Variants in ANKRD44 observed in about 807,000 individuals in gnomAD.
The protein encoded by ANKRD44 is serine/threonine-protein phosphatase 6 regulatory ankyrin repeat subunit B.
ANKRD44 carries 35 observed loss-of-function variants against 116.0 expected under a neutral mutation model. The observed-to-expected ratio is 0.30, with a 90% CI of 0.23 to 0.40. The LOEUF is 0.40. Among genes scored for constraint, ANKRD44 ranks in the 10% least tolerant of loss-of-function variants. ANKRD44 has a pLI of 1.00. For missense variants in ANKRD44, 1,014 were observed against 1,242.6 expected, an observed-to-expected ratio of 0.82 and a Z score of 2.77; for synonymous variants, 435 against 461.8, an observed-to-expected ratio of 0.94 and a Z score of 0.74.
At chr2:197,029,923 G>T in intron 16 of ANKRD44, 1 of 194,766 alleles carries the variant, frequency 5.1e-6, no homozygotes, top group South Asian at 9.6e-5. Flanking sequence ...GGCAGAGCAA[G>T]TGGCATATCA....
chr2:197,009,196 A>C (rs1407430842), intron 18 of ANKRD44, among the ~76,000 whole-genome samples, 165 bp from the exon 19 acceptor site: 1 of 152,084 alleles, frequency 6.6e-6, no homozygotes, highest in Non-Finnish European at 1.5e-5. Flanking sequence ...GGTTCAAGCT[A>C]TTCTCCTGCC....
intron 1 of ANKRD44, among the ~76,000 whole-genome samples, chr2:197,273,980 A>ATAT (rs1339525916): frequency 6.8e-5 from 3 of 43,934 alleles, no homozygotes; most frequent in Non-Finnish European, 1.2e-4. Context: ...AAAAAAAAAA[A>ATAT]ATATATATAT....
intron 16 of ANKRD44, among the ~76,000 whole-genome samples, chr2:197,048,080 C>A (rs571250040): frequency 1.3e-5 from 2 of 152,120 alleles, no homozygotes; most frequent in East Asian, 1.9e-4. Context: ...TACATCTTAA[C>A]CCTTATTTTT....
chr2:197,162,863 C>A (rs947508499), intron 2 of ANKRD44, among the ~76,000 whole-genome samples: 3 of 152,258 alleles, frequency 2.0e-5, no homozygotes, highest in Admixed American at 2.0e-4. Context: ...CAATATATGT[C>A]TTGCAGGAAT....
At chr2:197,154,979 T>C (rs554880192) in intron 2 of ANKRD44, among the ~76,000 whole-genome samples, 7 of 152,352 alleles carry the variant, frequency 4.6e-5, no homozygotes, top group Non-Finnish European at 1.0e-4. Flanking sequence ...AATTATGTTA[T>C]ACTCTCAATA....
intron 10 of ANKRD44, among the ~76,000 whole-genome samples, chr2:197,098,373 A>C (rs1250244043): frequency 6.6e-6 from 1 of 152,244 alleles, no homozygotes; most frequent in Non-Finnish European, 1.5e-5. Context: ...ATCTGATTTC[A>C]TGATCCCACT....
chr2:197,310,039 C>T (rs1009127576), intron 1 of ANKRD44, among the ~76,000 whole-genome samples: 2 of 152,198 alleles, frequency 1.3e-5, no homozygotes, highest in African/African-American at 2.4e-5. Context: ...CCATCCCGCA[C>T]CACGCACACA....
At chr2:197,263,697 G>A (rs1264417710) in intron 1 of ANKRD44, among the ~76,000 whole-genome samples, 1 of 152,130 alleles carries the variant, frequency 6.6e-6, no homozygotes, top group South Asian at 2.1e-4. Context: ...AAAAAAAGGT[G>A]TCAAGTTTGA....
chr2:197,034,516 C>G (rs1388101781), intron 16 of ANKRD44, among the ~76,000 whole-genome samples: 3 of 148,870 alleles, frequency 2.0e-5, no homozygotes, highest in Non-Finnish European at 4.4e-5. Flanking sequence ...TGCACTCATT[C>G]CAAGGACTGA....
intron 15 of ANKRD44, 38 bp from the exon 16 acceptor site, chr2:197,078,852 T>A (rs1350687172): frequency 6.9e-6 from 11 of 1,591,174 alleles, no homozygotes; most frequent in Admixed American, 3.4e-5. Context: ...TTAGAAAACA[T>A]CTCTGGACTG....
chr2:197,280,795 CAT>C (rs781337428), intron 1 of ANKRD44, among the ~76,000 whole-genome samples: 2 of 152,188 alleles, frequency 1.3e-5, no homozygotes, highest in Non-Finnish European at 2.9e-5. Context: ...ATTAAAGTCA[CAT>C]GTTACCACTC....
At chr2:196,978,748 G>A (rs2075777052) in intron 21 of ANKRD44, among the ~76,000 whole-genome samples, 1 of 151,480 alleles carries the variant, frequency 6.6e-6, no homozygotes, top group Admixed American at 6.6e-5. Flanking sequence ...CTTTAAAAGA[G>A]CGAATTTTAT....
At chr2:197,100,420 G>A (rs1198858189) in intron 9 of ANKRD44, among the ~76,000 whole-genome samples, 2 of 152,146 alleles carry the variant, frequency 1.3e-5, no homozygotes, top group Non-Finnish European at 2.9e-5. Context: ...GGGCGACAGA[G>A]CGAGACTCCG....
intron 16 of ANKRD44, among the ~76,000 whole-genome samples, chr2:197,045,380 G>A (rs1015189748): frequency 1.3e-5 from 2 of 152,136 alleles, no homozygotes; most frequent in African/African-American, 4.8e-5. Context: ...TAACAGTAGA[G>A]ACTTAAAGTC....
At chr2:196,981,573 C>G (rs987856529) in intron 21 of ANKRD44, among the ~76,000 whole-genome samples, 3 of 152,076 alleles carry the variant, frequency 2.0e-5, no homozygotes, top group African/African-American at 7.2e-5. Context: ...GTTGGGAGTT[C>G]GAGACCAGCC....
intron 1 of ANKRD44, among the ~76,000 whole-genome samples, chr2:197,287,022 A>G (rs2083425614): frequency 6.6e-6 from 1 of 152,164 alleles, no homozygotes; most frequent in South Asian, 2.1e-4. Flanking sequence ...TGGTGGATAC[A>G]TGTCATTATA....
intron 1 of ANKRD44, among the ~76,000 whole-genome samples, chr2:197,190,883 A>T (rs55802117): frequency 6.6e-6 from 1 of 152,338 alleles, no homozygotes; most frequent in African/African-American, 2.4e-5. Context: ...ATTTCTTTTT[A>T]AAGTTTCACA....
At chr2:197,185,431 AAGCTCCT>A (rs1177935848) in intron 2 of ANKRD44, among the ~76,000 whole-genome samples, 1 of 152,226 alleles carries the variant, frequency 6.6e-6, no homozygotes, top group Non-Finnish European at 1.5e-5. Context: ...CCCTGTGGCA[AAGCTCCT>A]CTTACACTGA....
chr2:197,047,516 G>A (rs1262174881), intron 16 of ANKRD44, among the ~76,000 whole-genome samples: 1 of 152,142 alleles, frequency 6.6e-6, no homozygotes, highest in African/African-American at 2.4e-5. Flanking sequence ...CATCTTGAAG[G>A]ACTAGTGCCA....
Sources: allele counts gnomAD v4.1 joint callset (sites outside exome capture counted in the v4.1 genomes callset), GRCh38; gene constraint gnomAD v4.1.1; transcripts MANE v1.5; gene names NCBI Gene and HGNC (gene_info 2026-07-23, HGNC 2026-07-21).